The following RPS6KA2 variants were observed in gnomAD, a reference collection of about 807,000 sequenced individuals.
RPS6KA2 encodes the protein ribosomal protein S6 kinase alpha-2.
RPS6KA2 carries 42 observed loss-of-function variants against 91.8 expected under a neutral mutation model. The observed-to-expected ratio is 0.46, with a 90% CI of 0.36 to 0.59. The LOEUF is 0.59. Ranked by LOEUF, RPS6KA2 falls within the 20% of genes least tolerant of loss-of-function variation. RPS6KA2 has a pLI of 0.00. For missense variants in RPS6KA2, 798 were observed against 978.5 expected (o/e 0.82, Z 2.46); for synonymous variants, 414 against 393.6 (o/e 1.05, Z -0.61).
chr6:166,579,524 C>G (rs945446652), intron 1 of RPS6KA2, among the ~76,000 whole-genome samples: 8 of 152,108 alleles, frequency 5.3e-5, no homozygotes, highest in Admixed American at 3.9e-4. Flanking sequence ...TATATTTAAA[C>G]AAAATTTGGA....
chr6:166,647,928 ACG>A (rs1460274951), intron 2 of RPS6KA2, among the ~76,000 whole-genome samples: 15 of 150,150 alleles, frequency 1.0e-4, no homozygotes, highest in African/African-American at 3.4e-4. Context: ...GCTCACACAC[ACG>A]CACATGCTCA....
At chr6:166,862,425 A>G in exon 1 of RPS6KA2, 6 of 1,332,652 alleles carry the variant, frequency 4.5e-6, no homozygotes, top group Non-Finnish European at 5.8e-6. Flanking sequence ...CTGCCAAGCC[A>G]GGGCTCTGGG....
intron 2 of RPS6KA2, among the ~76,000 whole-genome samples, chr6:166,758,100 G>A (rs1176315210): frequency 1.3e-5 from 2 of 152,226 alleles, no homozygotes; most frequent in Admixed American, 6.5e-5. Flanking sequence ...ACGTGCCTTA[G>A]CAGTGCATGA....
chr6:166,755,056 A>C (rs528527002), intron 2 of RPS6KA2, among the ~76,000 whole-genome samples: 26 of 152,294 alleles, frequency 1.7e-4, no homozygotes, highest in African/African-American at 6.0e-4. Context: ...CAGAAAATCT[A>C]TAATCCTGTG....
intron 2 of RPS6KA2, among the ~76,000 whole-genome samples, chr6:166,640,571 G>C (rs559444892): frequency 1.6e-4 from 25 of 152,314 alleles, no homozygotes; most frequent in African/African-American, 5.1e-4. Flanking sequence ...TGGGCAACCT[G>C]CTGGGTCACG....
intron 2 of RPS6KA2, among the ~76,000 whole-genome samples, chr6:166,772,786 T>C (rs994426927): frequency 3.9e-5 from 6 of 152,160 alleles, no homozygotes; most frequent in Admixed American, 3.9e-4. Flanking sequence ...GGGTCCCTCA[T>C]AAAAAGACAC....
chr6:166,455,027 A>G (rs996745073), intron 12 of RPS6KA2, among the ~76,000 whole-genome samples: 2 of 151,960 alleles, frequency 1.3e-5, no homozygotes, highest in Admixed American at 6.6e-5. Context: ...TTATTTATAT[A>G]TCTTTTAAGA....
At chr6:166,568,005 C>T (rs1226861093) in intron 1 of RPS6KA2, among the ~76,000 whole-genome samples, 10 of 152,218 alleles carry the variant, frequency 6.6e-5, no homozygotes, top group Admixed American at 2.6e-4. Context: ...TCCTGGGAAA[C>T]ATCCTGTCTC....
At chr6:166,701,812 A>G (rs1489911577) in intron 2 of RPS6KA2, 6 of 928,484 alleles carry the variant, frequency 6.5e-6, no homozygotes, top group Admixed American at 1.9e-5. Flanking sequence ...TCTCTTCCTC[A>G]GCTTTGGCAC....
intron 1 of RPS6KA2, among the ~76,000 whole-genome samples, chr6:166,621,322 G>C (rs1786624304): frequency 6.6e-6 from 1 of 152,158 alleles, no homozygotes. Context: ...AGGTGCCTCC[G>C]GCTTCCTTGT....
exon 1 of RPS6KA2, chr6:166,862,149 C>T: frequency 6.2e-7 from 1 of 1,614,246 alleles, no homozygotes; most frequent in Non-Finnish European, 8.5e-7. Flanking sequence ...TTCCATAGTT[C>T]CAGCAACTGT....
chr6:166,717,866 T>TC (rs1790056820), intron 2 of RPS6KA2, among the ~76,000 whole-genome samples: 1 of 151,840 alleles, frequency 6.6e-6, no homozygotes, highest in Admixed American at 6.6e-5. Context: ...TTTTTTTTTT[T>TC]AGACGGAGTT....
chr6:166,507,248 T>G (rs1016577481), intron 5 of RPS6KA2, among the ~76,000 whole-genome samples: 2 of 151,684 alleles, frequency 1.3e-5, no homozygotes, highest in Non-Finnish European at 2.9e-5. Flanking sequence ...AGCTGGGAGG[T>G]CAACAGCGTG....
In RPS6KA2 at chr6:166,737,049, C is replaced by G. The variant is rs888202426; in HGVS notation, c.123+121151G>C. 2.5e-4 allele frequency among the ~76,000 whole-genome samples: 38 copies of G among 152,150 alleles called. No individual in the cohort carries two copies. The highest frequency in any genetic ancestry group is 4.7e-4 in the Non-Finnish European group (32 of 68,034). ...CAGGAAGGGAAAGAGAGCGGCAAAG[C>G]GCATGGAGCCTACGCTTTTTTACAG... is the stretch of plus-strand genomic sequence containing the variant. On this transcript the variant is annotated intron_variant, in intron 2 of 21. Transcript: ENST00000503859. This position sits in a 1 kb window ranked among gnomAD's most constrained non-coding sequence, Gnocchi z 4.3.
chr6:166,700,057 A>C (rs1416233018), intron 2 of RPS6KA2, among the ~76,000 whole-genome samples: 3 of 152,236 alleles, frequency 2.0e-5, no homozygotes, highest in Non-Finnish European at 2.9e-5. Flanking sequence ...CAATCAGTTG[A>C]AAGTCCTGCA....
intron 14 of RPS6KA2, among the ~76,000 whole-genome samples, chr6:166,447,028 C>T (rs1779701726): frequency 6.6e-6 from 1 of 152,202 alleles, no homozygotes; most frequent in Non-Finnish European, 1.5e-5. Context: ...GGAACGGCAC[C>T]TGGGTATGCA....
At position 166,648,210 on chromosome 6, in the gene RPS6KA2, G is replaced by GCA. The variant is rs547872912; in HGVS notation, c.124-109428_124-109427dup. 0.15 allele frequency among the ~76,000 whole-genome samples: 21,038 copies of GCA among 141,866 alleles called. 1,481 individuals are homozygous for GCA. Among genetic ancestry groups the GCA allele is most frequent in the East Asian group, 0.21 (973 of 4,598 alleles). 93.1% of individuals were successfully genotyped at this position (141,866 alleles called of 152,430 possible). A position where few individuals can be genotyped will look rare whatever the true frequency, so the allele number is the denominator to read the frequency against. ...CACACATGCTCATACACACACTCAT[G>GCA]CACACACACGCACATGCGCACACAC... On this transcript the variant is annotated intron_variant, in intron 2 of 21. Coordinates refer to the RPS6KA2 transcript ENST00000503859. The surrounding 1 kb of genome is among the most constrained non-coding windows in gnomAD (Gnocchi z 4.8).
chr6:166,580,026 A>C (rs1377711057), intron 1 of RPS6KA2, among the ~76,000 whole-genome samples: 2 of 152,254 alleles, frequency 1.3e-5, no homozygotes, highest in African/African-American at 4.8e-5. Context: ...GAACATGCTT[A>C]AAGGGCCGTC....
At chr6:166,820,888 A>G (rs566519211) in intron 2 of RPS6KA2, among the ~76,000 whole-genome samples, 1 of 152,362 alleles carries the variant, frequency 6.6e-6, no homozygotes, top group South Asian at 2.1e-4. Context: ...GTTCACACAC[A>G]CACTAGTTTA....
Sources: allele counts gnomAD v4.1 joint callset (sites outside exome capture counted in the v4.1 genomes callset), GRCh38; gene constraint gnomAD v4.1.1; non-coding constraint Gnocchi (gnomAD v3.1); transcripts MANE v1.5; gene names NCBI Gene and HGNC (gene_info 2026-07-23, HGNC 2026-07-21).